The following LRRC37A3 variants were observed in gnomAD, a reference collection of about 807,000 sequenced individuals.
LRRC37A3 encodes the protein leucine-rich repeat-containing protein 37A3.
Under a neutral mutation model 106.2 loss-of-function variants are expected in LRRC37A3, and 25 were observed. That is an observed-to-expected ratio of 0.24 (90% CI 0.17 to 0.33). The LOEUF is 0.33. Among genes scored for constraint, LRRC37A3 ranks in the 10% least tolerant of loss-of-function variants. The probability of loss-of-function intolerance (pLI) is 1.00; values close to 1 mark genes in which losing one functional copy is unlikely to be tolerated. For synonymous variants in LRRC37A3, 305 were observed against 635.8 expected (o/e 0.48, Z 7.83); for missense variants, 712 against 1,644.9 (o/e 0.43, Z 9.81).
chr17:64,877,150 G>T (rs576762948), intron 8 of LRRC37A3: 4 of 152,238 alleles, frequency 2.6e-5, no homozygotes, highest in Admixed American at 2.6e-4. Flanking sequence ...ATTTTGGGAG[G>T]CTGAAGCAGG....
intron 13 of LRRC37A3, among the ~76,000 whole-genome samples, chr17:64,857,743 T>G (rs1295788068): frequency 1.3e-5 from 2 of 152,094 alleles, no homozygotes; most frequent in Non-Finnish European, 2.9e-5. Context: ...GAAAGATGCA[T>G]AGGACTCCCA....
intron 2 of LRRC37A3, among the ~76,000 whole-genome samples, chr17:64,913,263 A>C (rs1418446804): frequency 6.6e-6 from 1 of 151,560 alleles, no homozygotes; most frequent in African/African-American, 2.4e-5. Context: ...TCCCGACCTC[A>C]GGTGATTCAC....
At position 64,859,578 on chromosome 17, in the gene LRRC37A3, T is replaced by C. The variant is rs1429977272; in HGVS notation, c.4568A>G (p.His1523Arg). The part of the protein sequence containing the change: ...TCAKLVSRTG[H>R]LMKLLSGQQE... ...CTGCCCACTGAGAAGCTTCATCAGG[T>C]GGCCTGTCCTGGAGACGAGCTTGGC... The change falls in exon 12 of 15, where the codon CAC becomes CGC. Residue 1523 changes from histidine to arginine, a missense_variant. Coordinates refer to ENST00000584306, the MANE Select transcript of LRRC37A3 (RefSeq NM_199340.5). 4 of 1,612,680 alleles carry C rather than the reference T, an allele frequency of 2.5e-6. No individual in the cohort carries two copies. Among genetic ancestry groups the C allele is most frequent in the African/African-American group, 2.7e-5 (2 of 74,382 alleles).
intron 8 of LRRC37A3, among the ~76,000 whole-genome samples, chr17:64,870,239 C>T (rs1173523043): frequency 3.9e-5 from 6 of 152,044 alleles, no homozygotes; most frequent in African/African-American, 7.3e-5. Flanking sequence ...TACAGGTGCC[C>T]GCCACCATGC....
At chr17:64,876,693 G>C (rs1191341499) in intron 8 of LRRC37A3, among the ~76,000 whole-genome samples, 2 of 152,014 alleles carry the variant, frequency 1.3e-5, no homozygotes, top group African/African-American at 4.8e-5. Flanking sequence ...AATCTGAATA[G>C]ACAGACCTAT....
rs1314266747 is a variant in LRRC37A3 at position 64,858,842 on chromosome 17, G to T, written c.4746C>A (p.Leu1582=). The T allele has an allele frequency of 6.2e-7, 1 of 1,612,822 alleles. No individual in the cohort carries two copies. ...TTCCAGTCACAATTAACGCCAAGAT[G>T]AGTTTTTTGGTATAGCCATATCCTG... The part of the protein sequence containing the change: ...ELPGYGYTKK[L]ILALIVTGIL... The change falls in exon 13 of 15, where the codon CTC becomes CTA. Residue 1582 remains leucine, a synonymous_variant. Coordinates refer to ENST00000584306, the MANE Select transcript of LRRC37A3 (RefSeq NM_199340.5).
rs761502343 is a variant in LRRC37A3 at position 64,868,450 on chromosome 17, A to G, written c.3053+12T>C. The G allele has an allele frequency of 7.9e-5, 128 of 1,610,216 alleles. No individual in the cohort carries two copies. The Middle Eastern group carries it at 1.2e-3, about 15-fold the overall frequency. ...ACTACGTAAAAATAAATCTCGGAAAAAAATAACTTACAGTTTTTCCAGTTC... is the reference window on the plus strand; with the variant it reads ...ACTACGTAAAAATAAATCTCGGAAAGAAATAACTTACAGTTTTTCCAGTTC... On this transcript the variant is annotated intron_variant, in intron 10 of 14. Transcript: ENST00000584306.
intron 2 of LRRC37A3, among the ~76,000 whole-genome samples, chr17:64,906,877 G>GC (rs1305867795): frequency 1.0e-4 from 12 of 116,218 alleles, no homozygotes; most frequent in East Asian, 7.9e-4. Flanking sequence ...GACTACAGGT[G>GC]CCCCCCCACC....
In LRRC37A3 at chr17:64,859,567, G is replaced by C; in HGVS notation, c.4579C>G (p.Leu1527Val). The C allele has an allele frequency of 6.2e-7, 1 of 1,612,672 alleles. No homozygotes were observed. Among genetic ancestry groups the C allele is most frequent in the South Asian group, 1.1e-5 (1 of 90,928 alleles). Reference protein sequence around the residue: ...LVSRTGHLMKLLSGQQEVKAS... With the variant: ...LVSRTGHLMKVLSGQQEVKAS... ...TTTACTTCCTGCTGCCCACTGAGAA[G>C]CTTCATCAGGTGGCCTGTCCTGGAG... The change falls in exon 12 of 15, where the codon CTT becomes GTT. Residue 1527 changes from leucine (L) to valine (V), a missense_variant. Physicochemically the swap from Leu to Val is conservative, Grantham distance 32. Coordinates refer to ENST00000584306, the MANE Select transcript of LRRC37A3 (RefSeq NM_199340.5).
At chr17:64,917,259 A>C (rs1340575996) in intron 2 of LRRC37A3, among the ~76,000 whole-genome samples, 2 of 151,364 alleles carry the variant, frequency 1.3e-5, no homozygotes, top group South Asian at 2.1e-4. Flanking sequence ...AAAAAAAAAA[A>C]AAAAAAAAAA....
chr17:64,870,854 C>T (rs1484817701), intron 8 of LRRC37A3, among the ~76,000 whole-genome samples: 2 of 149,500 alleles, frequency 1.3e-5, no homozygotes, highest in African/African-American at 5.0e-5. Flanking sequence ...TCTTTCCTTT[C>T]TCCTCTCCCC....
chr17:64,855,789 G>A lies in LRRC37A3; in HGVS notation c.4859+51C>T, dbSNP rs764381817. ...TGCACTCCAGCCTGGCAACAAGAGGGAAACTCCGTCTCAAAAGAAAAGAAA... is the reference window on the plus strand; with the variant it reads ...TGCACTCCAGCCTGGCAACAAGAGGAAAACTCCGTCTCAAAAGAAAAGAAA... On this transcript the variant is annotated intron_variant, in intron 14 of 14. Coordinates refer to ENST00000584306, the MANE Select transcript of LRRC37A3 (RefSeq NM_199340.5). 5.6e-6 allele frequency: 9 copies of A among 1,608,798 alleles called. No homozygotes were observed. The South Asian group carries it at 9.9e-5, about 18-fold the overall frequency.
rs567998534 is a variant in LRRC37A3 at position 64,916,924 on chromosome 17, T to C, written c.-496+1826A>G. Among the ~76,000 whole-genome samples, 10 of 147,866 alleles carry C rather than the reference T, an allele frequency of 6.8e-5. No individual in the cohort carries two copies. In the East Asian group the frequency reaches 1.2e-3, roughly 18 times the overall value. ...TTAAAACCAGAAGAAGCTACCACCATATACTTATTAAGGTGGCCAAAAAAA... is the reference window on the plus strand; with the variant it reads ...TTAAAACCAGAAGAAGCTACCACCACATACTTATTAAGGTGGCCAAAAAAA... On this transcript the variant is annotated intron_variant, in intron 2 of 14. Transcript: ENST00000584306.
In LRRC37A3 at chr17:64,859,745, C is replaced by A. The variant is rs369882842; in HGVS notation, c.4401G>T (p.Ser1467=). The change falls in exon 12 of 15, where the codon TCG becomes TCT. Residue 1467 remains serine, a synonymous_variant. Coordinates refer to ENST00000584306, the MANE Select transcript of LRRC37A3 (RefSeq NM_199340.5). ...EPKSFNYPLL[S]SPGDQFEIQL... is the part of the protein sequence containing the mutation. The stretch of plus-strand genomic sequence containing the variant: ...GAATTTCAAACTGATCACCTGGGGA[C>A]GAGAGCAATGGGTAATTGAAGCTTT... 1.9e-6 allele frequency: 3 copies of A among 1,612,946 alleles called. No individual in the cohort carries two copies. Among genetic ancestry groups the A allele is most frequent in the Admixed American group, 1.7e-5 (1 of 59,922 alleles).
chr17:64,873,905 C>G (rs1483277559), intron 8 of LRRC37A3, among the ~76,000 whole-genome samples: 1 of 151,966 alleles, frequency 6.6e-6, no homozygotes, highest in African/African-American at 2.4e-5. Flanking sequence ...CCAAACTTCC[C>G]AAACATGATG....
chr17:64,916,864 A>T (rs1974713877), intron 2 of LRRC37A3, among the ~76,000 whole-genome samples: 1 of 151,084 alleles, frequency 6.6e-6, no homozygotes, highest in Non-Finnish European at 1.5e-5. Context: ...ACATAAAAAG[A>T]GGCTCAGAAC....
At chr17:64,919,027 G>A (rs917443934) in intron 1 of LRRC37A3, among the ~76,000 whole-genome samples, 157 bp from the exon 2 acceptor site, 15 of 152,190 alleles carry the variant, frequency 9.9e-5, no homozygotes, top group Admixed American at 8.5e-4. Flanking sequence ...GGCTGGCGGC[G>A]GCGGCGGCTT....
intron 2 of LRRC37A3, among the ~76,000 whole-genome samples, chr17:64,917,266 A>C (rs1474909299): frequency 3.3e-5 from 5 of 151,360 alleles, no homozygotes; most frequent in Admixed American, 2.0e-4. Flanking sequence ...AAAAAAAAAA[A>C]AAAACCTGAA....
At chr17:64,912,471 T>C (rs1167910612) in intron 2 of LRRC37A3, among the ~76,000 whole-genome samples, 1 of 151,924 alleles carries the variant, frequency 6.6e-6, no homozygotes, top group Non-Finnish European at 1.5e-5. Context: ...GTTAGGTATA[T>C]ATTTTGTAAT....
Sources: allele counts gnomAD v4.1 joint callset (sites outside exome capture counted in the v4.1 genomes callset), GRCh38; gene constraint gnomAD v4.1.1; transcripts MANE v1.5; gene names NCBI Gene and HGNC (gene_info 2026-07-23, HGNC 2026-07-21).